The following RAB37 variants were observed in gnomAD, a reference collection of about 807,000 sequenced individuals.
RAB37 encodes ras-related protein Rab-37.
A neutral mutation model predicts 33.1 loss-of-function variants in RAB37; 29 were observed. The ratio of observed to expected loss-of-function variants is 0.88; its 90% CI spans 0.65 to 1.20. RAB37 has a LOEUF of 1.20. Among genes scored for constraint, RAB37 ranks in the 50% most tolerant of loss-of-function variants. The pLI, the probability that RAB37 is intolerant of heterozygous loss-of-function variation, is 0.00. For synonymous variants in RAB37, 128 were observed against 119.5 expected, an observed-to-expected ratio of 1.07 and a Z score of -0.47; for missense variants, 299 against 301.1, an observed-to-expected ratio of 0.99 and a Z score of 0.05.
At chr17:74,680,716 A>T (rs983825334) in intron 1 of RAB37, among the ~76,000 whole-genome samples, 2 of 152,046 alleles carry the variant, frequency 1.3e-5, no homozygotes, top group African/African-American at 4.8e-5. Context: ...TATTTCCTGC[A>T]ATCCTTTAAG....
intron 1 of RAB37, among the ~76,000 whole-genome samples, chr17:74,706,926 G>A (rs749199845): frequency 2.0e-5 from 3 of 152,172 alleles, no homozygotes; most frequent in Non-Finnish European, 2.9e-5. Flanking sequence ...GGGAAAACTC[G>A]ACATCCACGT....
At position 74,696,212 on chromosome 17, in the gene RAB37, C is replaced by T. The variant is rs149416788; in HGVS notation, c.72+24554C>T. ...TATCTTACCTGCTCTGGGGACATCCCGGCTGCTAAAAGACAAACAACAATT... is the reference window on the plus strand; with the variant it reads ...TATCTTACCTGCTCTGGGGACATCCTGGCTGCTAAAAGACAAACAACAATT... On this transcript the variant is annotated intron_variant, in intron 1 of 7. Coordinates refer to the RAB37 transcript ENST00000340415. The T allele has an allele frequency of 2.3e-5, 37 of 1,606,252 alleles. No homozygotes were observed. Among genetic ancestry groups the T allele is most frequent in the East Asian group, 4.5e-5 (2 of 44,434 alleles).
chr17:74,734,064 T>C (rs1309171360), upstream of RAB37, among the ~76,000 whole-genome samples: 3 of 152,144 alleles, frequency 2.0e-5, no homozygotes, highest in African/African-American at 4.8e-5. Flanking sequence ...AAACCCACCA[T>C]AGGACAAAGA....
intron 1 of RAB37, among the ~76,000 whole-genome samples, chr17:74,702,497 T>C (rs1275347162): frequency 6.6e-6 from 1 of 152,230 alleles, no homozygotes. Context: ...GAGCTGTCAG[T>C]TGCTCTAGAG....
At chr17:74,722,595 T>C (rs980562750) in intron 1 of RAB37, among the ~76,000 whole-genome samples, 5 of 152,338 alleles carry the variant, frequency 3.3e-5, no homozygotes, top group Middle Eastern at 6.8e-3. Flanking sequence ...ATTGAATAAG[T>C]AGGACTATAG....
intron 1 of RAB37, chr17:74,694,555 G>A (rs948473961): frequency 1.3e-5 from 2 of 152,096 alleles, no homozygotes; most frequent in African/African-American, 4.8e-5. Flanking sequence ...TGACCTTCTG[G>A]CCTCTTTCTT....
At chr17:74,731,029 T>A (rs1485842964) in intron 2 of RAB37, among the ~76,000 whole-genome samples, 1 of 152,250 alleles carries the variant, frequency 6.6e-6, no homozygotes, top group African/African-American at 2.4e-5. Flanking sequence ...GCACCCGATG[T>A]TCTGGTGCAT....
In RAB37 at chr17:74,671,665, A is replaced by C. The variant is rs776847256; in HGVS notation, c.72+7A>C. ...CGACCACGTCCTGCATAAGGTAAAC[A>C]TCTCCTGTATTCCTCAACCTAACGT... On this transcript the variant is annotated splice_region_variant and intron_variant, in intron 1 of 7. Transcript: ENST00000340415. This position sits in a 1 kb window ranked among gnomAD's most constrained non-coding sequence, Gnocchi z 5.0. The C allele has an allele frequency of 2.5e-6, 4 of 1,613,556 alleles. No individual in the cohort carries two copies. In the South Asian group the frequency reaches 3.3e-5, roughly 13 times the overall value.
In RAB37 at chr17:74,671,774, A is replaced by G. The variant is rs1453409356; in HGVS notation, c.72+116A>G. 1 of 863,126 alleles carries G rather than the reference A, an allele frequency of 1.2e-6. No individual in the cohort carries two copies. The highest frequency in any genetic ancestry group is 1.9e-6 in the Non-Finnish European group (1 of 531,912). The allele number at this position is 863,126 out of a possible 1,614,324, so 53.5% of individuals were successfully genotyped here. Reference sequence around the variant, plus strand: ...AATGAGAAACTAGCTTGTATCTGTGAGTCTGGGGAGCCCTTTCTGTCTGAT... The same window carrying G: ...AATGAGAAACTAGCTTGTATCTGTGGGTCTGGGGAGCCCTTTCTGTCTGAT... On this transcript the variant is annotated intron_variant, in intron 1 of 7. Transcript: ENST00000340415. The surrounding 1 kb of genome is among the most constrained non-coding windows in gnomAD (Gnocchi z 5.0).
rs9912220 is a variant in RAB37, at chr17:74,744,113, G to C, written c.367-195G>C. On this transcript the variant is annotated intron_variant, in intron 5 of 8. Coordinates refer to ENST00000392613, the MANE Select transcript of RAB37 (RefSeq NM_001006638.3). The surrounding 1 kb of genome is among the most constrained non-coding windows in gnomAD (Gnocchi z 4.2). ...ATAGTTGCACAGCATAAAATGGTGA[G>C]GGTGGGGCCATTGTGGGTTGAGCCA... Among the ~76,000 whole-genome samples the C allele has an allele frequency of 0.019, 2,822 of 152,240 alleles. 110 individuals are homozygous for C. The highest frequency in any genetic ancestry group is 0.063 in the African/African-American group (2,630 of 41,520).
Position 74,744,259 on chromosome 17 carries a change from G to A in RAB37, c.367-49G>A, listed in dbSNP as rs767859481. The A allele has an allele frequency of 1.3e-5, 20 of 1,559,530 alleles. 1 individual carries two copies. The South Asian group carries it at 2.3e-4, about 18-fold the overall frequency. ...TAGTCAAACGGAGCAGAAGAAGAAAGGGGCAGCAGGAGGAAGAGAATGCCA... is the reference window on the plus strand; with the variant it reads ...TAGTCAAACGGAGCAGAAGAAGAAAAGGGCAGCAGGAGGAAGAGAATGCCA... On this transcript the variant is annotated intron_variant, in intron 5 of 8. Transcript: ENST00000392613. The surrounding 1 kb of genome is among the most constrained non-coding windows in gnomAD (Gnocchi z 4.2).
intron 1 of RAB37, among the ~76,000 whole-genome samples, chr17:74,701,455 CATAAA>C (rs1044281218): frequency 3.9e-5 from 6 of 152,166 alleles, no homozygotes. Context: ...GGCTTCGATT[CATAAA>C]ATAATAAATA....
chr17:74,686,170 G>T (rs985178698), intron 1 of RAB37, among the ~76,000 whole-genome samples: 8 of 151,916 alleles, frequency 5.3e-5, no homozygotes, highest in Admixed American at 2.0e-4. Context: ...TCGGCTTACC[G>T]TAACCTCTGC....
chr17:74,673,436 C>A (rs2031752248), intron 1 of RAB37, among the ~76,000 whole-genome samples: 1 of 149,274 alleles, frequency 6.7e-6, no homozygotes, highest in Non-Finnish European at 1.5e-5. Flanking sequence ...AAAGTTTATG[C>A]AAGCAGAGGA....
chr17:74,743,059 G>C lies in RAB37; in HGVS notation c.247-70G>C. 2.1e-6 allele frequency: 3 copies of C among 1,405,794 alleles called. No homozygotes were observed. In the South Asian group the frequency reaches 3.6e-5, roughly 17 times the overall value. The allele number at this position is 1,405,794 out of a possible 1,614,324, so 87.1% of individuals were successfully genotyped here. A position where few individuals can be genotyped will look rare whatever the true frequency, so the allele number is the denominator to read the frequency against. On this transcript the variant is annotated intron_variant, in intron 3 of 8. Transcript: ENST00000392613. ...ACAGATATCTCATACAACAAAGCAG[G>C]CCTGCTCCACCCAGCACATTCCTTG...
At chr17:74,707,177 A>C (rs1203047487) in intron 1 of RAB37, among the ~76,000 whole-genome samples, 1 of 152,230 alleles carries the variant, frequency 6.6e-6, no homozygotes, top group African/African-American at 2.4e-5. Context: ...CAAAGGAAAC[A>C]ACCAAGAGAA....
chr17:74,728,283 C>T (rs1162855946), intron 1 of RAB37, among the ~76,000 whole-genome samples: 2 of 151,544 alleles, frequency 1.3e-5, no homozygotes, highest in African/African-American at 4.9e-5. Flanking sequence ...TGTCTGTGTG[C>T]ATGTGTGTGT....
At chr17:74,741,347 G>A (rs2034610052) in intron 2 of RAB37, among the ~76,000 whole-genome samples, 1 of 152,088 alleles carries the variant, frequency 6.6e-6, no homozygotes, top group African/African-American at 2.4e-5. Flanking sequence ...CAGCACTTTG[G>A]GAGGCCGAAG....
rs1761139250 is a variant in RAB37 at position 74,718,789 on chromosome 17, C to T, written c.73-10467C>T. On this transcript the variant is annotated intron_variant, in intron 1 of 7. Coordinates refer to the RAB37 transcript ENST00000340415. ...TCCGAATCCTGCCACACAGAAATAACTGCTGTTAAATATATGTGTGTGTAT... is the reference window on the plus strand; with the variant it reads ...TCCGAATCCTGCCACACAGAAATAATTGCTGTTAAATATATGTGTGTGTAT... Among the ~76,000 whole-genome samples, 3 of 152,204 alleles carry T rather than the reference C, an allele frequency of 2.0e-5. 1 individual carries two copies. Among genetic ancestry groups the T allele is most frequent in the Admixed American group, 2.0e-4 (3 of 15,274 alleles).
Sources: allele counts gnomAD v4.1 joint callset (sites outside exome capture counted in the v4.1 genomes callset), GRCh38; gene constraint gnomAD v4.1.1; non-coding constraint Gnocchi (gnomAD v3.1); transcripts MANE v1.5; gene names NCBI Gene and HGNC (gene_info 2026-07-23, HGNC 2026-07-21).